The following LRPAP1 variants were observed in gnomAD, a reference collection of about 807,000 sequenced individuals.
LRPAP1 encodes the protein alpha-2-macroglobulin receptor-associated protein.
LRPAP1 carries 41 observed loss-of-function variants against 39.9 expected under a neutral mutation model. That is an observed-to-expected ratio of 1.03 (90% confidence interval 0.80 to 1.33). The LOEUF (loss-of-function observed/expected upper bound fraction) is 1.33, where lower values mean the gene tolerates loss of function less well. LRPAP1 is among the 40% of genes most tolerant of loss of function. LRPAP1 has a pLI of 0.00. For synonymous variants in LRPAP1, 263 were observed against 212.7 expected, an observed-to-expected ratio of 1.24 and a Z score of -2.06; for missense variants, 565 against 482.3, an observed-to-expected ratio of 1.17 and a Z score of -1.61.
At chr4:3,517,148 G>A (rs1729737845) in intron 5 of LRPAP1, among the ~76,000 whole-genome samples, 1 of 152,234 alleles carries the variant, frequency 6.6e-6, no homozygotes, top group South Asian at 2.1e-4. Flanking sequence ...TCAGGCTAAG[G>A]GAGCCTGGGT....
Position 3,507,921 on chromosome 4 carries a change from T to G in LRPAP1, c.*5053A>C, listed in dbSNP as rs1303503825. 4 of 152,252 alleles carry G rather than the reference T, an allele frequency of 2.6e-5. No homozygotes were observed. Among genetic ancestry groups the G allele is most frequent in the African/African-American group, 4.8e-5 (2 of 41,464 alleles). 9.4% of individuals were successfully genotyped at this position (152,252 alleles called of 1,614,324 possible). A position where few individuals can be genotyped will look rare whatever the true frequency, so the allele number is the denominator to read the frequency against. ...CAGAGGATACTGTGAATGATTTATGTAAATTGTTTTGATAACTTAGATGAA... is the reference window on the plus strand; with the variant it reads ...CAGAGGATACTGTGAATGATTTATGGAAATTGTTTTGATAACTTAGATGAA... On this transcript the variant is annotated 3_prime_UTR_variant, in exon 8 of 8. Transcript: ENST00000650182.
chr4:3,526,511 A>C lies in LRPAP1; in HGVS notation c.205-1460T>G, dbSNP rs1377430105. Among the ~76,000 whole-genome samples the C allele has an allele frequency of 3.3e-5, 5 of 152,382 alleles. No individual in the cohort carries two copies. In the Middle Eastern group the frequency reaches 0.01, roughly 311 times the overall value. ...TCAATAAAGTTTACGTAAAACAGTG[A>C]ACATCCCCACGAAGCGTCAAGAGCC... On this transcript the variant is annotated intron_variant, in intron 1 of 7. Coordinates refer to ENST00000650182, the MANE Select transcript of LRPAP1 (RefSeq NM_002337.4).
chr4:3,522,215 G>T (rs1289758942), intron 2 of LRPAP1, among the ~76,000 whole-genome samples: 1 of 152,350 alleles, frequency 6.6e-6, no homozygotes, highest in Non-Finnish European at 1.5e-5. Flanking sequence ...GAGGAGGAGA[G>T]GGGGAGACGG....
chr4:3,528,028 G>C (rs772997084), intron 1 of LRPAP1, among the ~76,000 whole-genome samples: 2 of 152,204 alleles, frequency 1.3e-5, no homozygotes, highest in Non-Finnish European at 2.9e-5. Flanking sequence ...GTGGCTGCCA[G>C]TGCTCAGCGC....
intron 1 of LRPAP1, among the ~76,000 whole-genome samples, chr4:3,526,476 GT>G (rs1464385796): frequency 5.9e-5 from 9 of 152,318 alleles, no homozygotes; most frequent in African/African-American, 1.9e-4. Context: ...CAAAGTATGT[GT>G]GTTATATTTC....
In LRPAP1 at chr4:3,514,760, C is replaced by T. The variant is rs751402764; in HGVS notation, c.1003G>A (p.Gly335Ser). ...CTGGAACCCGTGCGCACCGTGTAGCCCAGCTCCTTGGTCCGCCCCTCCAGC... is the reference window on the plus strand; with the variant it reads ...CTGGAACCCGTGCGCACCGTGTAGCTCAGCTCCTTGGTCCGCCCCTCCAGC... ...ALLEGRTKEL[G>S]YTVKKHLQDL... Residue 335 changes from glycine to serine, a missense_variant, in exon 7 of 8, where the codon GGC (glycine) becomes AGC (serine). Transcript: ENST00000650182. 6 of 1,608,526 alleles carry T rather than the reference C, an allele frequency of 3.7e-6. No homozygotes were observed. The highest frequency in any genetic ancestry group is 5.1e-6 in the Non-Finnish European group (6 of 1,178,812).
intron 1 of LRPAP1, among the ~76,000 whole-genome samples, chr4:3,530,392 T>A (rs950788469): frequency 2.0e-5 from 3 of 152,124 alleles, no homozygotes; most frequent in Non-Finnish European, 4.4e-5. Flanking sequence ...AGTACCAGGC[T>A]CTCTGGAATG....
chr4:3,505,227 C>T lies in LRPAP1; in HGVS notation c.*7747G>A, dbSNP rs948705141. 9.2e-5 allele frequency among the ~76,000 whole-genome samples: 14 copies of T among 152,324 alleles called. No individual in the cohort carries two copies. The East Asian group carries it at 2.5e-3, about 27-fold the overall frequency. Reference sequence around the variant, plus strand: ...GCCCAGCTCGAGGCTGCTCTTCAGCCCCAGCCCCTGGTGTCCCGCAGCGGC... The same window carrying T: ...GCCCAGCTCGAGGCTGCTCTTCAGCTCCAGCCCCTGGTGTCCCGCAGCGGC... On this transcript the variant is annotated 3_prime_UTR_variant, in exon 8 of 8. Coordinates refer to ENST00000650182, the MANE Select transcript of LRPAP1 (RefSeq NM_002337.4).
intron 4 of LRPAP1, 145 bp downstream of exon 4, chr4:3,518,726 G>A: frequency 3.4e-6 from 2 of 586,592 alleles, no homozygotes; most frequent in East Asian, 5.9e-5. Context: ...CCCTGGGAGG[G>A]CGTCTGGTGC....
rs972906233 is a variant in LRPAP1, at chr4:3,532,397, C to G, written c.16G>C (p.Val6Leu). Reference protein sequence around the residue: MAPRRVRSFLRGLPAL... With the variant: MAPRRLRSFLRGLPAL... ...GGGAGCCCGCGCAGAAACGACCTGA[C>G]CCTCCGCGGCGCCATCTTCCTCTGC... Residue 6 changes from valine to leucine, a missense_variant, in exon 1 of 8, where the codon GTC (valine) becomes CTC (leucine). Physicochemically the swap from Val to Leu is conservative, Grantham distance 32 (BLOSUM62 1). Coordinates refer to ENST00000650182, the MANE Select transcript of LRPAP1 (RefSeq NM_002337.4). 5 of 1,577,796 alleles carry G rather than the reference C, an allele frequency of 3.2e-6. No individual in the cohort carries two copies. The highest frequency in any genetic ancestry group is 2.3e-5 in the South Asian group (2 of 87,064).
At position 3,507,218 on chromosome 4, in the gene LRPAP1, C is replaced by T. The variant is rs1205047278; in HGVS notation, c.*5756G>A. 1.3e-5 allele frequency: 2 copies of T among 151,704 alleles called. No individual in the cohort carries two copies. Among genetic ancestry groups the T allele is most frequent in the African/African-American group, 4.8e-5 (2 of 41,296 alleles). The allele number at this position is 151,704 out of a possible 1,614,324, so 9.4% of individuals were successfully genotyped here. On this transcript the variant is annotated 3_prime_UTR_variant, in exon 8 of 8. Transcript: ENST00000650182. ...CAAGCCTGTGCGAGAAAGATCCTGA[C>T]TCAAAAAAAAAGACAAGATTTCCAA...
At chr4:3,529,752 G>T (rs930796811) in intron 1 of LRPAP1, among the ~76,000 whole-genome samples, 9 of 152,146 alleles carry the variant, frequency 5.9e-5, no homozygotes, top group Admixed American at 2.0e-4. Flanking sequence ...CTCAACGCAG[G>T]TCTCACAGCC....
At chr4:3,514,627 C>T (rs1228902936) in intron 7 of LRPAP1, 125 bp downstream of exon 7, 52 of 1,278,004 alleles carry the variant, frequency 4.1e-5, no homozygotes, top group Non-Finnish European at 5.1e-5. Flanking sequence ...GGGTTCAACT[C>T]GGACAGGGAA....
At position 3,520,101 on chromosome 4, in the gene LRPAP1, C is replaced by A. The variant is rs1729863868; in HGVS notation, c.442G>T (p.Asp148Tyr). ...LSGTQEDGLDDPRLEKLWHKA... is the reference protein window; with the variant it reads ...LSGTQEDGLDYPRLEKLWHKA... ...TGCCACAGCTTTTCCAGCCTGGGGT[C>A]ATCCAGCCCGTCTTCCTGGGTGCCA... Residue 148 changes from aspartate to tyrosine, a missense_variant, in exon 3 of 8, where the codon GAC becomes TAC. Asp to Tyr is a radical substitution (Grantham distance 160). Coordinates refer to ENST00000650182, the MANE Select transcript of LRPAP1 (RefSeq NM_002337.4). 6.2e-7 allele frequency: 1 copy of A among 1,614,188 alleles called. No homozygotes were observed. The highest frequency in any genetic ancestry group is 1.3e-5 in the African/African-American group (1 of 75,046).
In LRPAP1 at chr4:3,505,114, C is replaced by T. The variant is rs943096668; in HGVS notation, c.*7860G>A. ...GCAGCCATGGTGGCCCGGGTCCTGC[C>T]ACGCACGCAGCCATAGTGGGCTGGC... On this transcript the variant is annotated 3_prime_UTR_variant, in exon 8 of 8. Transcript: ENST00000650182. Among the ~76,000 whole-genome samples the T allele has an allele frequency of 1.3e-5, 2 of 152,184 alleles. No individual in the cohort carries two copies. The highest frequency in any genetic ancestry group is 4.8e-5 in the African/African-American group (2 of 41,440).
At chr4:3,518,829 G>C (rs1338143223) in intron 4 of LRPAP1, 42 bp downstream of exon 4, 1 of 1,321,538 alleles carries the variant, frequency 7.6e-7, no homozygotes, top group African/African-American at 1.5e-5. Flanking sequence ...GGGGCAGGAG[G>C]GGGTGGGGCA....
In LRPAP1 at chr4:3,525,219, C is replaced by T. The variant is rs915161792; in HGVS notation, c.205-168G>A. 7 of 696,586 alleles carry T rather than the reference C, an allele frequency of 1.0e-5. No homozygotes were observed. The African/African-American group carries it at 1.2e-4, about 12-fold the overall frequency. 43.2% of individuals were successfully genotyped at this position (696,586 alleles called of 1,614,324 possible). A position where few individuals can be genotyped will look rare whatever the true frequency, so the allele number is the denominator to read the frequency against. Reference sequence around the variant, plus strand: ...CAAACCCCACAGGTTTAGACAAGAACTCAACATGGACACCAGTCTCTAGGC... The same window carrying T: ...CAAACCCCACAGGTTTAGACAAGAATTCAACATGGACACCAGTCTCTAGGC... On this transcript the variant is annotated intron_variant, in intron 1 of 7. Transcript: ENST00000650182.
intron 1 of LRPAP1, among the ~76,000 whole-genome samples, chr4:3,525,976 G>T (rs1319094572): frequency 2.0e-5 from 3 of 152,224 alleles, no homozygotes; most frequent in African/African-American, 7.2e-5. Flanking sequence ...GCTGGGGCAG[G>T]CTAGCCCTTC....
rs1730171251 is a variant in LRPAP1, at chr4:3,529,255, G to A, written c.204+2954C>T. On this transcript the variant is annotated intron_variant, in intron 1 of 7. Coordinates refer to ENST00000650182, the MANE Select transcript of LRPAP1 (RefSeq NM_002337.4). ...CGAGAATCGCTTGAACCTGGGAGGCGGAGGTTGCAGTGAGCCGAGATCACG... is the reference window on the plus strand; with the variant it reads ...CGAGAATCGCTTGAACCTGGGAGGCAGAGGTTGCAGTGAGCCGAGATCACG... 2.6e-5 allele frequency among the ~76,000 whole-genome samples: 4 copies of A among 152,076 alleles called. No homozygotes were observed. In the East Asian group the frequency reaches 5.8e-4, roughly 22 times the overall value.
Sources: allele counts gnomAD v4.1 joint callset (sites outside exome capture counted in the v4.1 genomes callset), GRCh38; gene constraint gnomAD v4.1.1; transcripts MANE v1.5; gene names NCBI Gene and HGNC (gene_info 2026-07-23, HGNC 2026-07-21).